RBMS3: variants seen among roughly 807,000 people sequenced by gnomAD.
RBMS3 encodes the protein RNA-binding motif, single-stranded-interacting protein 3.
A neutral mutation model predicts 66.8 loss-of-function variants in RBMS3; 27 were observed. The observed-to-expected ratio is 0.40, with a 90% confidence interval of 0.30 to 0.56. The LOEUF (loss-of-function observed/expected upper bound fraction) is 0.56, where lower values mean the gene tolerates loss of function less well. Ranked by LOEUF, RBMS3 falls within the 20% of genes least tolerant of loss-of-function variation. RBMS3 has a pLI of 0.40. For synonymous variants in RBMS3, 188 were observed against 183.0 expected, an observed-to-expected ratio of 1.03 and a Z score of -0.22; for missense variants, 513 against 549.5, an observed-to-expected ratio of 0.93 and a Z score of 0.66.
intron 12 of RBMS3, among the ~76,000 whole-genome samples, chr3:29,967,981 T>G (rs1696960293): frequency 6.6e-6 from 1 of 152,230 alleles, no homozygotes; most frequent in Non-Finnish European, 1.5e-5. Flanking sequence ...TCTGCTCTGA[T>G]CTTGGTTATT....
chr3:29,946,703 C>G (rs900392307), intron 12 of RBMS3, among the ~76,000 whole-genome samples: 1 of 151,522 alleles, frequency 6.6e-6, no homozygotes, highest in Non-Finnish European at 1.5e-5. Context: ...ACATCATCTT[C>G]TGAGAGTGAG....
At chr3:29,838,596 T>A (rs967407832) in intron 6 of RBMS3, among the ~76,000 whole-genome samples, 3 of 152,176 alleles carry the variant, frequency 2.0e-5, no homozygotes, top group Non-Finnish European at 4.4e-5. Context: ...TTTGATTTAT[T>A]TTATGCCATA....
chr3:29,371,715 G>A (rs184049747), intron 1 of RBMS3, among the ~76,000 whole-genome samples: 3 of 152,198 alleles, frequency 2.0e-5, no homozygotes, highest in Admixed American at 6.5e-5. Flanking sequence ...TTCCAAGGAA[G>A]CCTTTACATT....
chr3:29,736,767 C>A (rs1051583403), intron 4 of RBMS3, among the ~76,000 whole-genome samples: 2 of 152,136 alleles, frequency 1.3e-5, no homozygotes, highest in African/African-American at 4.8e-5. Context: ...AATTCTGATT[C>A]TTCCCAGTAA....
chr3:29,477,133 T>A (rs772633285), intron 2 of RBMS3, among the ~76,000 whole-genome samples: 1 of 152,144 alleles, frequency 6.6e-6, no homozygotes, highest in Non-Finnish European at 1.5e-5. Context: ...AATACAAATT[T>A]CATAAAGTAT....
intron 6 of RBMS3, among the ~76,000 whole-genome samples, chr3:29,863,965 T>C (rs2059282296): frequency 6.6e-6 from 1 of 152,190 alleles, no homozygotes; most frequent in Non-Finnish European, 1.5e-5. Flanking sequence ...ATAAGGGAAT[T>C]GGGAAAGACC....
At chr3:29,678,509 T>C (rs2051347822) in intron 4 of RBMS3, among the ~76,000 whole-genome samples, 1 of 152,104 alleles carries the variant, frequency 6.6e-6, no homozygotes, top group Non-Finnish European at 1.5e-5. Flanking sequence ...CCAATAATTA[T>C]AGGGCAAATG....
chr3:29,581,976 G>A (rs542537975), intron 3 of RBMS3, among the ~76,000 whole-genome samples: 68 of 152,246 alleles, frequency 4.5e-4, no homozygotes, highest in African/African-American at 1.5e-3. Context: ...CAACACAGAA[G>A]TATAAAATAA....
intron 6 of RBMS3, among the ~76,000 whole-genome samples, chr3:29,856,457 A>G (rs988182527): frequency 6.6e-6 from 1 of 152,180 alleles, no homozygotes; most frequent in Non-Finnish European, 1.5e-5. Flanking sequence ...GCACACATTT[A>G]GATCATGACA....
intron 4 of RBMS3, among the ~76,000 whole-genome samples, chr3:29,596,142 T>C (rs879902826): frequency 6.6e-6 from 1 of 152,204 alleles, no homozygotes; most frequent in Admixed American, 6.6e-5. Context: ...CCAACTATAA[T>C]TGGCTTTCCT....
At chr3:29,565,354 G>C (rs34293619) in intron 3 of RBMS3, among the ~76,000 whole-genome samples, 2 of 152,026 alleles carry the variant, frequency 1.3e-5, no homozygotes, top group Non-Finnish European at 2.9e-5. Flanking sequence ...ATTTTTGTGT[G>C]TTTGAAAACA....
chr3:29,609,715 G>C (rs1340366056), intron 4 of RBMS3, among the ~76,000 whole-genome samples: 1 of 151,956 alleles, frequency 6.6e-6, no homozygotes, highest in African/African-American at 2.4e-5. Context: ...TGAGTTGATG[G>C]GTGACTGATT....
chr3:29,977,455 T>G (rs1474724872), intron 12 of RBMS3, among the ~76,000 whole-genome samples: 1 of 152,190 alleles, frequency 6.6e-6, no homozygotes, highest in Non-Finnish European at 1.5e-5. Context: ...AATCAATGAT[T>G]CCACACTAAT....
intron 3 of RBMS3, among the ~76,000 whole-genome samples, chr3:29,584,922 C>T (rs994229477): frequency 6.6e-6 from 1 of 152,164 alleles, no homozygotes; most frequent in East Asian, 1.9e-4. Flanking sequence ...TTTCACACCA[C>T]TGCTTCTTTA....
intron 6 of RBMS3, chr3:29,797,511 G>A (rs1466221859): frequency 2.0e-5 from 3 of 152,140 alleles, no homozygotes; most frequent in Non-Finnish European, 2.9e-5. Context: ...TCATTCATGT[G>A]TTCACTGCAG....
intron 4 of RBMS3, among the ~76,000 whole-genome samples, chr3:29,613,803 C>T (rs1262278809): frequency 3.9e-5 from 6 of 152,032 alleles, no homozygotes; most frequent in Admixed American, 3.3e-4. Context: ...GATATCACCT[C>T]ATACCTGTCA....
intron 2 of RBMS3, among the ~76,000 whole-genome samples, chr3:29,482,664 GA>G (rs1232921426): frequency 6.9e-6 from 1 of 144,028 alleles, no homozygotes; most frequent in Non-Finnish European, 1.5e-5. Flanking sequence ...GCAAAACTCT[GA>G]AAAAGTACAC....
chr3:29,372,780 G>A (rs1250244138), intron 1 of RBMS3, among the ~76,000 whole-genome samples: 1 of 151,196 alleles, frequency 6.6e-6, no homozygotes, highest in African/African-American at 2.4e-5. Context: ...TGCATAAAAT[G>A]GAAAAAGGAC....
intron 4 of RBMS3, among the ~76,000 whole-genome samples, chr3:29,635,587 A>G (rs1318298717): frequency 6.6e-6 from 1 of 151,756 alleles, no homozygotes; most frequent in Admixed American, 6.6e-5. Context: ...GCTGCCTTCT[A>G]TCCTCAACAC....
Sources: allele counts gnomAD v4.1 joint callset (sites outside exome capture counted in the v4.1 genomes callset), GRCh38; gene constraint gnomAD v4.1.1; transcripts MANE v1.5; gene names NCBI Gene and HGNC (gene_info 2026-07-23, HGNC 2026-07-21).